Variants in CTIF observed in about 807,000 individuals in gnomAD.
The protein encoded by CTIF is cap binding complex dependent translation initiation factor.
Under a neutral mutation model 66.0 loss-of-function variants are expected in CTIF, and 21 were observed. The ratio of observed to expected loss-of-function variants is 0.32; its 90% CI spans 0.23 to 0.46. The LOEUF is 0.46. CTIF is among the 20% of genes least tolerant of loss of function. The pLI is 1.00. For synonymous variants in CTIF, 345 were observed against 326.4 expected (o/e 1.06, Z -0.62); for missense variants, 739 against 812.7 (o/e 0.91, Z 1.10).
chr18:48,733,421 T>C (rs2092472825), intron 7 of CTIF, among the ~76,000 whole-genome samples: 2 of 152,190 alleles, frequency 1.3e-5, no homozygotes, highest in Non-Finnish European at 2.9e-5. Context: ...CTGAGCTCTT[T>C]GCTGACCACT....
chr18:48,850,692 G>T (rs2146621213), intron 10 of CTIF, among the ~76,000 whole-genome samples: 1 of 152,374 alleles, frequency 6.6e-6, no homozygotes, highest in Non-Finnish European at 1.5e-5. Flanking sequence ...GAGGAAGCCT[G>T]TGGAGTTGTG....
intron 9 of CTIF, among the ~76,000 whole-genome samples, chr18:48,805,817 C>G (rs898747626): frequency 4.6e-5 from 7 of 152,226 alleles, no homozygotes; most frequent in African/African-American, 1.4e-4. Flanking sequence ...AGATTAACAG[C>G]CCCCTACCCT....
chr18:48,706,126 C>T (rs915643251), intron 6 of CTIF, among the ~76,000 whole-genome samples: 3 of 152,108 alleles, frequency 2.0e-5, no homozygotes, highest in African/African-American at 7.2e-5. Flanking sequence ...TTCCCTGACC[C>T]CTCCACCCGT....
intron 1 of CTIF, among the ~76,000 whole-genome samples, chr18:48,563,914 G>C (rs1011161834): frequency 6.6e-6 from 1 of 151,976 alleles, no homozygotes; most frequent in African/African-American, 2.4e-5. Flanking sequence ...CCTGTTCCCC[G>C]CCCCAGCCAT....
intron 2 of CTIF, among the ~76,000 whole-genome samples, chr18:48,635,182 G>C (rs2090790608): frequency 6.6e-6 from 1 of 152,176 alleles, no homozygotes. Context: ...CTTGAGCCAT[G>C]CTCAGGAGGG....
intron 2 of CTIF, chr18:48,625,246 TAGG>T (rs1429111318): frequency 1.0e-6 from 1 of 983,982 alleles, no homozygotes; most frequent in East Asian, 1.1e-4. Context: ...AGTGAGTTTA[TAGG>T]AGGACTGCGG....
chr18:48,820,536 A>T (rs2068460726), intron 10 of CTIF, among the ~76,000 whole-genome samples: 2 of 151,626 alleles, frequency 1.3e-5, no homozygotes, highest in African/African-American at 4.9e-5. Flanking sequence ...TGCCCACTAC[A>T]CCTGTCCCAG....
chr18:48,547,539 C>T (rs946571085), intron 1 of CTIF, among the ~76,000 whole-genome samples: 34 of 152,152 alleles, frequency 2.2e-4, no homozygotes, highest in African/African-American at 7.5e-4. Context: ...TGCTTGTGGC[C>T]GGGAGTTTAT....
chr18:48,851,081 G>T (rs925164022), intron 10 of CTIF, among the ~76,000 whole-genome samples: 32 of 152,370 alleles, frequency 2.1e-4, no homozygotes, highest in African/African-American at 7.5e-4. Flanking sequence ...GAAAGATAAG[G>T]TTGGAAGGGG....
At chr18:48,814,378 G>A (rs2068319930) in intron 9 of CTIF, among the ~76,000 whole-genome samples, 1 of 152,114 alleles carries the variant, frequency 6.6e-6, no homozygotes, top group Non-Finnish European at 1.5e-5. Context: ...TTCCGGGGTG[G>A]GGTCCCAACA....
At chr18:48,698,197 A>G (rs890733254) in intron 6 of CTIF, among the ~76,000 whole-genome samples, 1 of 149,224 alleles carries the variant, frequency 6.7e-6, no homozygotes, top group Admixed American at 6.8e-5. Flanking sequence ...GGGAACACCA[A>G]GTACACAAGG....
chr18:48,679,965 C>T (rs990369311), intron 6 of CTIF, among the ~76,000 whole-genome samples: 4 of 152,070 alleles, frequency 2.6e-5, no homozygotes, highest in Admixed American at 2.6e-4. Flanking sequence ...AGAGGGGAGA[C>T]TGTATGTAGG....
intron 1 of CTIF, among the ~76,000 whole-genome samples, chr18:48,573,228 G>C (rs1337070946): frequency 6.6e-6 from 1 of 152,176 alleles, no homozygotes; most frequent in Non-Finnish European, 1.5e-5. Context: ...GCCAGGTCTG[G>C]CTCAGCCCAC....
chr18:48,618,987 C>A (rs2090445756), intron 1 of CTIF, among the ~76,000 whole-genome samples: 1 of 152,222 alleles, frequency 6.6e-6, no homozygotes, highest in South Asian at 2.1e-4. Flanking sequence ...CAAAATCCTG[C>A]TTATAAGTTA....
intron 10 of CTIF, among the ~76,000 whole-genome samples, chr18:48,830,723 G>A (rs2068672972): frequency 7.5e-6 from 1 of 133,510 alleles, no homozygotes; most frequent in African/African-American, 2.9e-5. Context: ...TCAGAAGTCA[G>A]TTTCTCAGAC....
chr18:48,766,935 C>CTCTCTGT (rs1555688911), intron 9 of CTIF, among the ~76,000 whole-genome samples: 1 of 152,194 alleles, frequency 6.6e-6, no homozygotes, highest in African/African-American at 2.4e-5. Flanking sequence ...TTTTCCTTTT[C>CTCTCTGT]CTTGGCCTGG....
chr18:48,598,212 A>G (rs1204827680), intron 1 of CTIF, among the ~76,000 whole-genome samples: 2 of 152,200 alleles, frequency 1.3e-5, no homozygotes, highest in African/African-American at 4.8e-5. Flanking sequence ...CCTACTTGGC[A>G]ACCTAAGGAA....
chr18:48,734,451 C>T (rs775493448), intron 7 of CTIF, among the ~76,000 whole-genome samples: 7 of 152,094 alleles, frequency 4.6e-5, no homozygotes, highest in East Asian at 1.9e-4. Context: ...ATGTAGTCCC[C>T]GCTACTCGGG....
chr18:48,667,227 GGTGTAGACATACAGACTAGACTATGCA>G lies in CTIF; in HGVS notation c.431+2688_431+2714del, dbSNP rs540906989. Among the ~76,000 whole-genome samples, 26 of 152,064 alleles carry G rather than the reference GGTGTAGACATACAGACTAGACTATGCA, an allele frequency of 1.7e-4. No homozygotes were observed. The South Asian group carries it at 4.8e-3, about 28-fold the overall frequency. Reference sequence around the variant, plus strand: ...TAGGGGAAGAAAGACTAGACTATGCGGTGTAGACATACAGACTAGACTATGCAGTGTAGACATATAGACACCATAAAG... The same window carrying G: ...TAGGGGAAGAAAGACTAGACTATGCGGTGTAGACATATAGACACCATAAAG... On this transcript the variant is annotated intron_variant, in intron 5 of 11. Coordinates refer to ENST00000256413, the MANE Select transcript of CTIF (RefSeq NM_014772.3).
Sources: allele counts gnomAD v4.1 joint callset (sites outside exome capture counted in the v4.1 genomes callset), GRCh38; gene constraint gnomAD v4.1.1; transcripts MANE v1.5; gene names NCBI Gene and HGNC (gene_info 2026-07-23, HGNC 2026-07-21).